The following DBT variants were observed in gnomAD, a reference collection of about 807,000 sequenced individuals.
DBT encodes the protein lipoamide acyltransferase component of branched-chain alpha-keto acid dehydrogenase complex, mitochondrial.
DBT carries 40 observed loss-of-function variants against 51.3 expected under a neutral mutation model. The ratio of observed to expected loss-of-function variants is 0.78; its 90% CI spans 0.61 to 1.02. The LOEUF (loss-of-function observed/expected upper bound fraction) is 1.02, where lower values mean the gene tolerates loss of function less well. Ranked by LOEUF, DBT falls within the 50% of genes least tolerant of loss-of-function variation. DBT has a pLI of 0.00. For synonymous variants in DBT, 181 were observed against 190.4 expected, an observed-to-expected ratio of 0.95 and a Z score of 0.41; for missense variants, 510 against 580.2, an observed-to-expected ratio of 0.88 and a Z score of 1.24.
chr1:100,231,579 T>G (rs192139420), intron 3 of DBT, among the ~76,000 whole-genome samples: 21 of 152,316 alleles, frequency 1.4e-4, no homozygotes, highest in African/African-American at 4.8e-4. Flanking sequence ...AACAGATAAT[T>G]GTTGTCATTC....
At chr1:100,208,514 C>T (rs1661932166) in intron 8 of DBT, among the ~76,000 whole-genome samples, 1 of 152,080 alleles carries the variant, frequency 6.6e-6, no homozygotes, top group African/African-American at 2.4e-5. Flanking sequence ...GTTTGAGAAA[C>T]TGCAAATAAT....
At chr1:100,225,060 C>T (rs201098072) in intron 4 of DBT, among the ~76,000 whole-genome samples, 73,823 of 91,668 alleles carry the variant, frequency 0.81, 31,768 homozygotes, top group East Asian at 0.96. Flanking sequence ...TATACACACA[C>T]ACACACACAC....
chr1:100,200,653 A>G (rs1313894104), intron 10 of DBT, among the ~76,000 whole-genome samples: 1 of 152,204 alleles, frequency 6.6e-6, no homozygotes, highest in Non-Finnish European at 1.5e-5. Context: ...CTCATACAGG[A>G]GAGCTCTCGC....
chr1:100,200,928 T>A (rs1049696974), intron 10 of DBT, among the ~76,000 whole-genome samples: 3 of 152,030 alleles, frequency 2.0e-5, no homozygotes, highest in African/African-American at 7.2e-5. Flanking sequence ...AGATCAAAGG[T>A]AGATAAATCC....
At chr1:100,211,071 C>A (rs974601147) in intron 7 of DBT, 1 of 777,732 alleles carries the variant, frequency 1.3e-6, no homozygotes, top group Non-Finnish European at 2.4e-6. Flanking sequence ...TGTCTAAATT[C>A]TAGGTGATTT....
intron 2 of DBT, among the ~76,000 whole-genome samples, chr1:100,238,320 T>TCCCC (rs1553232874): frequency 9.0e-6 from 1 of 111,080 alleles, no homozygotes; most frequent in African/African-American, 3.3e-5. Flanking sequence ...GTTTCTAGCT[T>TCCCC]CCCTCCCCTC....
At chr1:100,209,566 T>A (rs1662007085) in intron 8 of DBT, among the ~76,000 whole-genome samples, 1 of 152,126 alleles carries the variant, frequency 6.6e-6, no homozygotes, top group South Asian at 2.1e-4. Flanking sequence ...TTTCTTTTTT[T>A]AATTCTCTTT....
chr1:100,200,894 C>G (rs997567070), intron 10 of DBT, among the ~76,000 whole-genome samples: 2 of 152,150 alleles, frequency 1.3e-5, no homozygotes, highest in African/African-American at 4.8e-5. Flanking sequence ...TGCAAAAACT[C>G]CATCCAAAGG....
intron 10 of DBT, among the ~76,000 whole-genome samples, chr1:100,200,071 T>C (rs1257814453): frequency 6.6e-6 from 1 of 151,664 alleles, no homozygotes; most frequent in African/African-American, 2.4e-5. Context: ...GACACTCCCC[T>C]GGAAAGGAGG....
chr1:100,196,451 AAAAAAAAAG>A (rs776298289), intron 10 of DBT, 29 bp from the exon 11 acceptor site: 7 of 1,524,766 alleles, frequency 4.6e-6, no homozygotes, highest in African/African-American at 4.2e-5. Flanking sequence ...AAAAAAAAAA[AAAAAAAAAG>A]AACAAAGAGT....
rs540533710 is a variant in DBT at position 100,220,752 on chromosome 1, G to A, written c.434-2005C>T. On this transcript the variant is annotated intron_variant, in intron 4 of 10. Coordinates refer to ENST00000370132, the MANE Select transcript of DBT (RefSeq NM_001918.5). ...GAGACACCTAATAAATCTAAGAGCT[G>A]AATTCAGTCCTAGGGCTGACTCAAT... Among the ~76,000 whole-genome samples, 8 of 152,338 alleles carry A rather than the reference G, an allele frequency of 5.3e-5. No homozygotes were observed. In the South Asian group the frequency reaches 1.7e-3, roughly 32 times the overall value.
chr1:100,202,625 C>A (rs544088554), intron 10 of DBT, among the ~76,000 whole-genome samples: 1 of 152,318 alleles, frequency 6.6e-6, no homozygotes, highest in South Asian at 2.1e-4. Flanking sequence ...ACAGAATATA[C>A]ATTCTTCTCA....
intron 7 of DBT, 100 bp from the exon 8 acceptor site, chr1:100,210,871 C>T: frequency 6.4e-7 from 1 of 1,569,882 alleles, no homozygotes; most frequent in Non-Finnish European, 8.7e-7. Flanking sequence ...AGAGAGAACT[C>T]TTATTTATGC....
chr1:100,229,694 A>T (rs6678629), intron 4 of DBT, among the ~76,000 whole-genome samples: 120,868 of 152,118 alleles, frequency 0.79, 49,399 homozygotes, highest in East Asian at 0.95. Flanking sequence ...ACTTCCAAGG[A>T]GGGAATGCTG....
chr1:100,236,752 CTAAG>C (rs1285823578), intron 2 of DBT, among the ~76,000 whole-genome samples: 2 of 152,068 alleles, frequency 1.3e-5, no homozygotes, highest in Non-Finnish European at 2.9e-5. Flanking sequence ...GGAAATCAAT[CTAAG>C]TAACACAAAA....
chr1:100,207,245 A>G (rs1482065303), intron 8 of DBT, among the ~76,000 whole-genome samples: 2 of 152,158 alleles, frequency 1.3e-5, no homozygotes, highest in South Asian at 4.1e-4. Context: ...ACGTCATGTG[A>G]TGTAGCCAAT....
chr1:100,213,214 G>A (rs1662257707), intron 7 of DBT: 3 of 687,198 alleles, frequency 4.4e-6, no homozygotes, highest in South Asian at 6.7e-5. Context: ...CCTGCCCCGC[G>A]TCTGCCTCAG....
intron 10 of DBT, among the ~76,000 whole-genome samples, chr1:100,197,742 G>T (rs997474594): frequency 6.6e-6 from 1 of 152,262 alleles, no homozygotes; most frequent in African/African-American, 2.4e-5. Flanking sequence ...TTCCAAAGAG[G>T]TTGGATTGAT....
intron 10 of DBT, among the ~76,000 whole-genome samples, chr1:100,201,146 G>C (rs933132892): frequency 1.3e-5 from 2 of 152,006 alleles, no homozygotes; most frequent in Non-Finnish European, 2.9e-5. Flanking sequence ...AAGGAAGCTA[G>C]GAACCTTGAT....
Sources: gnomAD v4.1 joint callset for allele counts (sites outside exome capture counted in the v4.1 genomes callset) on GRCh38, gnomAD v4.1.1 for gene constraint, MANE v1.5 for transcripts, NCBI Gene and HGNC (gene_info 2026-07-23, HGNC 2026-07-21) for gene names.